The following NRP1 variants were observed in gnomAD, a reference collection of about 807,000 sequenced individuals.
NRP1 encodes the protein neuropilin-1.
A neutral mutation model predicts 106.7 loss-of-function variants in NRP1; 35 were observed. That is an observed-to-expected ratio of 0.33 (90% confidence interval 0.25 to 0.43). The LOEUF (loss-of-function observed/expected upper bound fraction) is 0.43. Ranked by LOEUF, NRP1 falls within the 20% of genes least tolerant of loss-of-function variation. The probability of loss-of-function intolerance (pLI) is 1.00; values close to 1 mark genes in which losing one functional copy is unlikely to be tolerated. For synonymous variants in NRP1, 437 were observed against 417.9 expected (o/e 1.05, Z -0.56); for missense variants, 1,024 against 1,170.4 (o/e 0.87, Z 1.83).
At chr10:33,292,758 T>C (rs1408296635) in intron 2 of NRP1, among the ~76,000 whole-genome samples, 1 of 151,968 alleles carries the variant, frequency 6.6e-6, no homozygotes, top group Non-Finnish European at 1.5e-5. Context: ...GAGGCCGAGG[T>C]GGGTGGGTTA....
intron 3 of NRP1, among the ~76,000 whole-genome samples, chr10:33,265,948 A>C (rs887174030): frequency 6.6e-6 from 1 of 152,194 alleles, no homozygotes; most frequent in African/African-American, 2.4e-5. Flanking sequence ...ATATATATAC[A>C]TACATGATAT....
chr10:33,236,645 G>A (rs993078492), intron 6 of NRP1, among the ~76,000 whole-genome samples: 2 of 152,290 alleles, frequency 1.3e-5, no homozygotes, highest in Non-Finnish European at 1.5e-5. Flanking sequence ...CAGGTCACCC[G>A]TTCCTAATAT....
intron 2 of NRP1, among the ~76,000 whole-genome samples, chr10:33,292,613 C>G (rs948408221): frequency 1.3e-5 from 2 of 152,270 alleles, no homozygotes; most frequent in African/African-American, 2.4e-5. Context: ...GCAATCTTAA[C>G]GTAGGGCTTG....
intron 2 of NRP1, among the ~76,000 whole-genome samples, chr10:33,287,607 C>T (rs1422973859): frequency 6.6e-6 from 1 of 152,156 alleles, no homozygotes. Flanking sequence ...GCTATATCCC[C>T]ATCACTATTG....
intron 6 of NRP1, among the ~76,000 whole-genome samples, chr10:33,227,756 C>T (rs2132953725): frequency 6.6e-6 from 1 of 152,246 alleles, no homozygotes; most frequent in South Asian, 2.1e-4. Flanking sequence ...GTGTTTTCAT[C>T]CCAGGGCCCT....
At chr10:33,238,185 G>A (rs1476027076) in intron 6 of NRP1, among the ~76,000 whole-genome samples, 3 of 152,212 alleles carry the variant, frequency 2.0e-5, no homozygotes, top group African/African-American at 7.2e-5. Flanking sequence ...ATGAGTCAGC[G>A]AGACTTCTCT....
Position 33,180,063 on chromosome 10 carries a change from T to C in NRP1, c.*13A>G. ...CTTCCGTCCTTTGACTGTCTTTTCA[T>C]CTCTGTCTGCCTTCATGCCTCCGAA... On this transcript the variant is annotated 3_prime_UTR_variant, in exon 17 of 17. Coordinates refer to ENST00000374867, the MANE Select transcript of NRP1 (RefSeq NM_003873.7). 6.2e-7 allele frequency: 1 copy of C among 1,612,112 alleles called. No individual in the cohort carries two copies. The highest frequency in any genetic ancestry group is 8.5e-7 in the Non-Finnish European group (1 of 1,178,802).
At chr10:33,236,979 C>CT (rs926074691) in intron 6 of NRP1, among the ~76,000 whole-genome samples, 14 of 150,872 alleles carry the variant, frequency 9.3e-5, no homozygotes, top group South Asian at 4.2e-4. Context: ...TTTTTTTCTT[C>CT]TTTTTTTTTC....
chr10:33,318,602 G>A (rs1302608831), intron 2 of NRP1, among the ~76,000 whole-genome samples: 2 of 151,966 alleles, frequency 1.3e-5, no homozygotes, highest in Admixed American at 6.6e-5. Flanking sequence ...GAAGAAGAAT[G>A]CAAAGCTGTT....
chr10:33,228,075 T>A (rs961649231), intron 6 of NRP1, among the ~76,000 whole-genome samples: 1 of 152,142 alleles, frequency 6.6e-6, no homozygotes, highest in East Asian at 1.9e-4. Flanking sequence ...TTTATTTTAA[T>A]AAATTTGATT....
At chr10:33,334,234 C>A in intron 1 of NRP1, 76 bp downstream of exon 1, 1 of 1,376,498 alleles carries the variant, frequency 7.3e-7, no homozygotes, top group Non-Finnish European at 9.9e-7. Context: ...CGGGAAGCCC[C>A]GCCTGAGCCC....
In NRP1 at chr10:33,193,036, T is replaced by C. The variant is rs539560583; in HGVS notation, c.1925-618A>G. Among the ~76,000 whole-genome samples the C allele has an allele frequency of 2.0e-5, 3 of 152,348 alleles. No homozygotes were observed. In the South Asian group the frequency reaches 6.2e-4, roughly 32 times the overall value. ...TAAGTATAAATTTCTGCTTTTTTAA[T>C]TTCTAAATTTACATATAAATTGTTC... On this transcript the variant is annotated intron_variant, in intron 12 of 16. Coordinates refer to ENST00000374867, the MANE Select transcript of NRP1 (RefSeq NM_003873.7).
At chr10:33,330,105 T>C (rs1848168999) in intron 2 of NRP1, among the ~76,000 whole-genome samples, 1 of 152,210 alleles carries the variant, frequency 6.6e-6, no homozygotes, top group South Asian at 2.1e-4. Flanking sequence ...TTAACAATTA[T>C]TTTCTAGCAT....
At chr10:33,198,073 C>CTT (rs78668305) in intron 11 of NRP1, among the ~76,000 whole-genome samples, 4,183 of 125,834 alleles carry the variant, frequency 0.033, 85 homozygotes, top group Non-Finnish European at 0.041. Context: ...CTATTTTAGG[C>CTT]TTTTTTTTTT....
intron 1 of NRP1, among the ~76,000 whole-genome samples, chr10:33,331,493 G>A (rs1251505721): frequency 6.6e-6 from 1 of 152,200 alleles, no homozygotes; most frequent in African/African-American, 2.4e-5. Context: ...AAATAATTCT[G>A]CTTTACTTCT....
intron 2 of NRP1, among the ~76,000 whole-genome samples, chr10:33,325,374 G>A (rs1847815110): frequency 2.0e-5 from 3 of 152,046 alleles, no homozygotes. Flanking sequence ...GTATTTTAAT[G>A]TAACATTTTT....
chr10:33,334,329 C>A lies in NRP1; in HGVS notation c.54G>T (p.Pro18=), dbSNP rs759426260. ...ACTTACCGTTGCGAAAAGCGCCGGC[C>A]GGGGCGAGGACGAGGGCGAGCACGG... ...LCAVLALVLA[P]AGAFRNDKCG... is the part of the protein sequence containing the mutation. Residue 18 remains proline, a synonymous_variant, in exon 1 of 17, where the codon CCG becomes CCT. Transcript: ENST00000374867. The A allele has an allele frequency of 3.9e-6, 6 of 1,543,826 alleles. No individual in the cohort carries two copies. The highest frequency in any genetic ancestry group is 4.4e-6 in the Non-Finnish European group (5 of 1,146,636).
intron 2 of NRP1, among the ~76,000 whole-genome samples, chr10:33,274,129 A>G (rs528415037): frequency 6.6e-6 from 1 of 152,328 alleles, no homozygotes; most frequent in African/African-American, 2.4e-5. Flanking sequence ...GAACTCAAAG[A>G]TAAATCTCTG....
At chr10:33,274,384 G>T (rs914686423) in intron 2 of NRP1, among the ~76,000 whole-genome samples, 4 of 152,120 alleles carry the variant, frequency 2.6e-5, no homozygotes, top group Non-Finnish European at 4.4e-5. Flanking sequence ...AAAGAATAAA[G>T]ATTTCTTTCT....
Sources: allele counts gnomAD v4.1 joint callset (sites outside exome capture counted in the v4.1 genomes callset), GRCh38; gene constraint gnomAD v4.1.1; transcripts MANE v1.5; gene names NCBI Gene and HGNC (gene_info 2026-07-23, HGNC 2026-07-21).